NRDC: variants seen among roughly 807,000 people sequenced by gnomAD.
The protein encoded by NRDC is nardilysin.
Under a neutral mutation model 147.1 loss-of-function variants are expected in NRDC, and 54 were observed. That is an observed-to-expected ratio of 0.37 (90% CI 0.29 to 0.46). The LOEUF (loss-of-function observed/expected upper bound fraction) is 0.46. NRDC is among the 20% of genes least tolerant of loss of function. The pLI, the probability that NRDC is intolerant of heterozygous loss-of-function variation, is 1.00. For missense variants in NRDC, 1,082 were observed against 1,370.6 expected (o/e 0.79, Z 3.33); for synonymous variants, 440 against 482.1 (o/e 0.91, Z 1.14).
intron 1 of NRDC, among the ~76,000 whole-genome samples, chr1:51,859,343 T>C (rs1462170574): frequency 1.3e-5 from 2 of 152,330 alleles, no homozygotes; most frequent in East Asian, 3.9e-4. Context: ...GCTTCAAAAT[T>C]ATCAGTTAAA....
intron 2 of NRDC, chr1:51,837,376 A>G: frequency 9.3e-7 from 1 of 1,071,750 alleles, no homozygotes; most frequent in Non-Finnish European, 1.3e-6. Flanking sequence ...TTGATACTAT[A>G]AACCCCATTT....
At chr1:51,859,436 A>T (rs1682422345) in intron 1 of NRDC, among the ~76,000 whole-genome samples, 1 of 152,258 alleles carries the variant, frequency 6.6e-6, no homozygotes, top group Non-Finnish European at 1.5e-5. Context: ...GTGAGGCATG[A>T]GGACACATTC....
chr1:51,794,205 C>G, intron 24 of NRDC: 1 of 360,418 alleles, frequency 2.8e-6, no homozygotes, highest in Non-Finnish European at 5.1e-6. Flanking sequence ...GGAGTTCTAT[C>G]AGGGGCACAT....
intron 7 of NRDC, among the ~76,000 whole-genome samples, chr1:51,823,049 G>T (rs1437588078): frequency 6.6e-6 from 1 of 152,118 alleles, no homozygotes; most frequent in Non-Finnish European, 1.5e-5. Flanking sequence ...GAAATGTAAA[G>T]AAAACAAAAG....
At chr1:51,814,889 T>C (rs1679887538) in intron 11 of NRDC, 76 bp from the exon 12 acceptor site, 14 of 1,387,050 alleles carry the variant, frequency 1.0e-5, no homozygotes, top group South Asian at 5.0e-5. Flanking sequence ...TAACAAAATA[T>C]AGAGGCTTTC....
intron 24 of NRDC, 126 bp downstream of exon 24, chr1:51,794,346 C>T (rs753019572): frequency 5.5e-6 from 5 of 914,604 alleles, no homozygotes; most frequent in Non-Finnish European, 8.4e-6. Context: ...AATGTAGTTG[C>T]TTCAAGAGGA....
intron 3 of NRDC, among the ~76,000 whole-genome samples, chr1:51,834,742 A>C (rs1680868843): frequency 6.6e-6 from 1 of 152,196 alleles, no homozygotes; most frequent in Non-Finnish European, 1.5e-5. Context: ...TTATAAAGAG[A>C]TCACAAATAT....
At chr1:51,831,080 G>A (rs1680685961) in intron 4 of NRDC, among the ~76,000 whole-genome samples, 1 of 152,078 alleles carries the variant, frequency 6.6e-6, no homozygotes, top group South Asian at 2.1e-4. Flanking sequence ...TCCTATTAAT[G>A]CAGTGGCTTT....
At chr1:51,842,629 C>T (rs1368968307) in intron 1 of NRDC, among the ~76,000 whole-genome samples, 1 of 152,144 alleles carries the variant, frequency 6.6e-6, no homozygotes, top group African/African-American at 2.4e-5. Flanking sequence ...ATCTTAAAAA[C>T]ATGAGTGAAA....
intron 5 of NRDC, among the ~76,000 whole-genome samples, chr1:51,826,323 A>C (rs948600722): frequency 3.9e-5 from 6 of 152,196 alleles, no homozygotes. Flanking sequence ...TTTCTGCAAT[A>C]ACAGGTAATA....
At position 51,852,615 on chromosome 1, in the gene NRDC, T is replaced by A. The variant is rs1266004143; in HGVS notation, c.342-12101A>T. Among the ~76,000 whole-genome samples, 3 of 70,994 alleles carry A rather than the reference T, an allele frequency of 4.2e-5. No individual in the cohort carries two copies. The East Asian group carries it at 2.5e-3, about 58-fold the overall frequency. 46.6% of individuals were successfully genotyped at this position (70,994 alleles called of 152,430 possible). ...TTATATATAGTTTTTTATAGTTTTT[T>A]ATGTGAGCCTCCATGCCCGGCCACT... On this transcript the variant is annotated intron_variant, in intron 1 of 30. Coordinates refer to ENST00000352171, the MANE Select transcript of NRDC (RefSeq NM_001101662.2).
chr1:51,836,367 A>AT, intron 2 of NRDC, 155 bp from the exon 3 acceptor site: 1 of 1,613,664 alleles, frequency 6.2e-7, no homozygotes, highest in East Asian at 2.2e-5. Flanking sequence ...AGTGAAACTC[A>AT]CCAGAACTGT....
intron 1 of NRDC, among the ~76,000 whole-genome samples, chr1:51,862,932 C>G (rs941947095): frequency 7.3e-6 from 1 of 136,524 alleles, no homozygotes; most frequent in African/African-American, 2.7e-5. Context: ...ATCGCTTGAA[C>G]CTGGGAGGCA....
intron 21 of NRDC, 60 bp downstream of exon 21, chr1:51,800,496 C>G: frequency 6.3e-7 from 1 of 1,588,444 alleles, no homozygotes; most frequent in Non-Finnish European, 8.6e-7. Context: ...CACACCCACC[C>G]ACTAGGGAGA....
intron 22 of NRDC, among the ~76,000 whole-genome samples, chr1:51,797,184 G>C (rs1248221321): frequency 6.6e-6 from 1 of 151,936 alleles, no homozygotes; most frequent in Non-Finnish European, 1.5e-5. Context: ...CTGGGTGACA[G>C]AGCGAGACTC....
rs369292543 is a variant in NRDC, at chr1:51,814,028, C to G, written c.1674+7G>C. On this transcript the variant is annotated splice_region_variant and intron_variant, in intron 14 of 30. Transcript: ENST00000352171. ...ATAACATGCAAAAAGAATTTGACTTCCAGTACCTGTTCTTGGTAATGAAAT... is the reference window on the plus strand; with the variant it reads ...ATAACATGCAAAAAGAATTTGACTTGCAGTACCTGTTCTTGGTAATGAAAT... The G allele has an allele frequency of 6.9e-6, 11 of 1,582,838 alleles. No homozygotes were observed. Among genetic ancestry groups the G allele is most frequent in the African/African-American group, 1.4e-5 (1 of 74,008 alleles).
chr1:51,847,672 G>A (rs578165921), intron 1 of NRDC, among the ~76,000 whole-genome samples: 36 of 152,314 alleles, frequency 2.4e-4, no homozygotes, highest in Non-Finnish European at 4.3e-4. Flanking sequence ...GTGCGGGCCC[G>A]CCAAGCCCAC....
At chr1:51,868,087 T>G (rs1185115172) in intron 1 of NRDC, among the ~76,000 whole-genome samples, 1 of 152,040 alleles carries the variant, frequency 6.6e-6, no homozygotes, top group Non-Finnish European at 1.5e-5. Flanking sequence ...AGAGATAAGG[T>G]CTTAGGAGTA....
intron 1 of NRDC, among the ~76,000 whole-genome samples, chr1:51,861,265 C>CTTTTT (rs71063057): frequency 6.5e-5 from 7 of 108,068 alleles, no homozygotes; most frequent in South Asian, 6.4e-4. Context: ...AGTGGTATTA[C>CTTTTT]TTTTTTTTTT....
Sources: gnomAD v4.1 joint callset for allele counts (sites outside exome capture counted in the v4.1 genomes callset) on GRCh38, gnomAD v4.1.1 for gene constraint, MANE v1.5 for transcripts, NCBI Gene and HGNC (gene_info 2026-07-23, HGNC 2026-07-21) for gene names.